Variants in PPFIA2 observed in about 807,000 individuals in gnomAD.
PPFIA2 encodes the protein liprin-alpha-2.
PPFIA2 carries 46 observed loss-of-function variants against 175.5 expected under a neutral mutation model. The observed-to-expected ratio is 0.26, with a 90% CI of 0.21 to 0.34. The LOEUF (loss-of-function observed/expected upper bound fraction) is 0.34, where lower values mean the gene tolerates loss of function less well. PPFIA2 is among the 10% of genes least tolerant of loss of function. The pLI, the probability that PPFIA2 is intolerant of heterozygous loss-of-function variation, is 1.00. For missense variants in PPFIA2, 1,179 were observed against 1,506.1 expected, an observed-to-expected ratio of 0.78 and a Z score of 3.60; for synonymous variants, 568 against 511.4, an observed-to-expected ratio of 1.11 and a Z score of -1.49.
chr12:81,618,390 T>G (rs1436967311), intron 4 of PPFIA2, among the ~76,000 whole-genome samples: 1 of 152,056 alleles, frequency 6.6e-6, no homozygotes, highest in African/African-American at 2.4e-5. Flanking sequence ...AATAAATTAA[T>G]GTAGGTAATA....
chr12:81,456,953 T>C (rs1399190399), intron 5 of PPFIA2, among the ~76,000 whole-genome samples: 1 of 151,940 alleles, frequency 6.6e-6, no homozygotes, highest in African/African-American at 2.4e-5. Context: ...GGGCAGATTT[T>C]TTTTTCAGTT....
intron 4 of PPFIA2, among the ~76,000 whole-genome samples, chr12:81,536,333 C>T (rs2065367464): frequency 6.6e-6 from 1 of 151,548 alleles, no homozygotes; most frequent in Admixed American, 6.6e-5. Context: ...CTTAATATTA[C>T]ATATAGCCTG....
intron 4 of PPFIA2, among the ~76,000 whole-genome samples, chr12:81,665,358 G>C (rs1008156397): frequency 3.9e-5 from 6 of 151,934 alleles, no homozygotes; most frequent in Admixed American, 3.9e-4. Context: ...AATATGTTAA[G>C]ATATTTCCAA....
chr12:81,650,616 A>C (rs1212086041), intron 4 of PPFIA2, among the ~76,000 whole-genome samples: 1 of 152,198 alleles, frequency 6.6e-6, no homozygotes, highest in Admixed American at 6.5e-5. Flanking sequence ...TAGTTTAGGG[A>C]GGTAAAACTA....
chr12:81,608,135 G>A (rs115709356), intron 4 of PPFIA2, among the ~76,000 whole-genome samples: 6 of 152,096 alleles, frequency 3.9e-5, no homozygotes, highest in Admixed American at 3.3e-4. Flanking sequence ...TGCATCCCAG[G>A]AATCAAGCCC....
At chr12:81,279,757 A>C (rs1441681905) in intron 27 of PPFIA2, among the ~76,000 whole-genome samples, 1 of 152,102 alleles carries the variant, frequency 6.6e-6, no homozygotes, top group African/African-American at 2.4e-5. Flanking sequence ...GAACGGAAAA[A>C]CCGGACCCCA....
At chr12:81,443,880 G>A in intron 6 of PPFIA2, among the ~76,000 whole-genome samples, 1 of 100,714 alleles carries the variant, frequency 9.9e-6, no homozygotes, top group South Asian at 3.2e-4. Context: ...TTTTTGAGAC[G>A]GAGTCTCGCT....
At chr12:81,550,452 G>A (rs1423674862) in intron 4 of PPFIA2, among the ~76,000 whole-genome samples, 1 of 152,014 alleles carries the variant, frequency 6.6e-6, no homozygotes, top group Non-Finnish European at 1.5e-5. Flanking sequence ...TAGAAGCGAT[G>A]TGATCCAATT....
At chr12:81,422,098 GTGTGTATATATATGTGTATATATA>G (rs1420133015) in intron 7 of PPFIA2, among the ~76,000 whole-genome samples, 3 of 146,496 alleles carry the variant, frequency 2.0e-5, no homozygotes, top group African/African-American at 7.6e-5. Flanking sequence ...GTATATATAT[GTGTGTATATATATGTGTATATATA>G]TGTGTGTATA....
At chr12:81,282,752 A>C (rs2042363202) in intron 26 of PPFIA2, 1 of 291,034 alleles carries the variant, frequency 3.4e-6, no homozygotes. Context: ...TAAGTTTTGG[A>C]TCATTCTTTT....
chr12:81,621,009 T>G (rs2061988322), intron 4 of PPFIA2, among the ~76,000 whole-genome samples: 1 of 152,194 alleles, frequency 6.6e-6, no homozygotes, highest in Non-Finnish European at 1.5e-5. Flanking sequence ...AAAAAAATTG[T>G]CTTCATAAAG....
At chr12:81,460,028 G>A (rs1017285913) in intron 4 of PPFIA2, among the ~76,000 whole-genome samples, 1 of 151,860 alleles carries the variant, frequency 6.6e-6, no homozygotes, top group African/African-American at 2.4e-5. Context: ...TTGTTTGTTG[G>A]GTTTATATTA....
intron 22 of PPFIA2, among the ~76,000 whole-genome samples, chr12:81,308,636 G>A (rs1277063326): frequency 1.3e-5 from 2 of 152,104 alleles, no homozygotes; most frequent in Non-Finnish European, 2.9e-5. Flanking sequence ...TGGTTCATTT[G>A]TTTTTAGAAG....
intron 4 of PPFIA2, among the ~76,000 whole-genome samples, chr12:81,607,995 T>TA (rs1291853992): frequency 6.6e-6 from 1 of 152,156 alleles, no homozygotes; most frequent in Non-Finnish European, 1.5e-5. Flanking sequence ...TGGGGGTTTT[T>TA]ATCATGAAGA....
chr12:81,551,978 T>C (rs2068007094), intron 4 of PPFIA2, among the ~76,000 whole-genome samples: 1 of 151,794 alleles, frequency 6.6e-6, no homozygotes, highest in African/African-American at 2.4e-5. Context: ...AGATGAATAT[T>C]CTGAACACAA....
intron 4 of PPFIA2, among the ~76,000 whole-genome samples, chr12:81,475,967 C>T (rs1382533879): frequency 6.6e-6 from 1 of 152,134 alleles, no homozygotes; most frequent in Non-Finnish European, 1.5e-5. Flanking sequence ...TTTTTAAGGA[C>T]AGCAATGTGG....
intron 4 of PPFIA2, among the ~76,000 whole-genome samples, chr12:81,578,337 G>A (rs1350765171): frequency 2.6e-5 from 4 of 151,558 alleles, no homozygotes; most frequent in Admixed American, 1.3e-4. Flanking sequence ...TGTCCTTGAG[G>A]TTATCAACCA....
chr12:81,692,794 T>C (rs907976581), intron 3 of PPFIA2, among the ~76,000 whole-genome samples: 1 of 152,146 alleles, frequency 6.6e-6, no homozygotes, highest in Non-Finnish European at 1.5e-5. Flanking sequence ...TTGGTCAATT[T>C]TGAATGTATA....
At chr12:81,501,884 T>C (rs1252908867) in intron 4 of PPFIA2, among the ~76,000 whole-genome samples, 7 of 152,144 alleles carry the variant, frequency 4.6e-5, no homozygotes, top group African/African-American at 1.7e-4. Context: ...AAGGAGAAAT[T>C]GAAAGCCAAG....
Sources: gnomAD v4.1 joint callset for allele counts (sites outside exome capture counted in the v4.1 genomes callset) on GRCh38, gnomAD v4.1.1 for gene constraint, MANE v1.5 for transcripts, NCBI Gene and HGNC (gene_info 2026-07-23, HGNC 2026-07-21) for gene names.